Variants in GOLPH3L observed in about 807,000 individuals in gnomAD.
GOLPH3L encodes golgi phosphoprotein 3 like.
In GOLPH3L, 22 loss-of-function variants were observed where a neutral mutation model predicts 30.3. That is an observed-to-expected ratio of 0.73 (90% CI 0.52 to 1.04). The LOEUF is 1.04. Ranked by LOEUF, GOLPH3L falls within the 50% of genes least tolerant of loss-of-function variation. GOLPH3L has a pLI of 0.00. For missense variants in GOLPH3L, 303 were observed against 345.8 expected (o/e 0.88, Z 0.98); for synonymous variants, 120 against 128.2 (o/e 0.94, Z 0.43).
At chr1:150,693,840 TATATA>T (rs1651272932) in intron 2 of GOLPH3L, among the ~76,000 whole-genome samples, 1 of 79,186 alleles carries the variant, frequency 1.3e-5, no homozygotes, top group African/African-American at 5.0e-5. Context: ...TATATATATA[TATATA>T]TATTTTTTTT....
rs200411858 is a variant in GOLPH3L, at chr1:150,694,693, A to G, written c.146T>C (p.Met49Thr). Residue 49 changes from methionine to threonine, a missense_variant, in exon 2 of 5, where the codon ATG (methionine) becomes ACG (threonine). By Grantham distance (81) the Met-to-Thr change is moderately conservative. Coordinates refer to ENST00000271732, the MANE Select transcript of GOLPH3L (RefSeq NM_018178.6). ...TAGTCCCAGAAGCAATACTTCTTCC[A>G]TAAGAGTAAGGCGGATATCCTTAGA... ...GDSKDIRLTL[M>T]EEVLLLGLKD... The G allele has an allele frequency of 2.4e-4, 389 of 1,608,944 alleles. No homozygotes were observed. The highest frequency in any genetic ancestry group is 2.8e-4 in the Non-Finnish European group (325 of 1,177,958).
chr1:150,695,085 A>G (rs1312160933), intron 1 of GOLPH3L, among the ~76,000 whole-genome samples: 24 of 152,192 alleles, frequency 1.6e-4, no homozygotes, highest in Non-Finnish European at 1.3e-4. Flanking sequence ...GAGTAATTCT[A>G]AAGTCCAGTA....
intron 2 of GOLPH3L, among the ~76,000 whole-genome samples, chr1:150,670,862 AT>A (rs773113313): frequency 2.0e-3 from 310 of 152,342 alleles, no homozygotes; most frequent in Non-Finnish European, 3.0e-3. Flanking sequence ...ACTGCATAGT[AT>A]TGCATTTTAC....
rs150744411 is a variant in GOLPH3L, at chr1:150,674,262, A to AT, written c.184-10500dup. ...AACAGGTAACCTACAGAGTGGGAGAATTTTTTTTTTTTTTTTGAGATGGAG... is the reference window on the plus strand; with the variant it reads ...AACAGGTAACCTACAGAGTGGGAGAATTTTTTTTTTTTTTTTTGAGATGGAG... On this transcript the variant is annotated intron_variant, in intron 2 of 4. Coordinates refer to ENST00000271732, the MANE Select transcript of GOLPH3L (RefSeq NM_018178.6). Among the ~76,000 whole-genome samples, 884 of 145,538 alleles carry AT rather than the reference A, an allele frequency of 6.1e-3. 13 individuals are homozygous for AT. The highest frequency in any genetic ancestry group is 0.019 in the African/African-American group (754 of 39,492).
chr1:150,671,804 C>T (rs1650651329), intron 2 of GOLPH3L, among the ~76,000 whole-genome samples: 1 of 62,014 alleles, frequency 1.6e-5, no homozygotes, highest in Non-Finnish European at 3.4e-5. Context: ...AAAACTCCGT[C>T]TCAAAAAAAA....
intron 2 of GOLPH3L, among the ~76,000 whole-genome samples, chr1:150,687,414 C>G (rs1223201583): frequency 6.6e-6 from 1 of 151,726 alleles, no homozygotes; most frequent in Non-Finnish European, 1.5e-5. Context: ...CCCGTTTCTA[C>G]TAAAAATACA....
intron 2 of GOLPH3L, among the ~76,000 whole-genome samples, chr1:150,685,727 TAAAA>T (rs1420874557): frequency 2.0e-5 from 3 of 151,618 alleles, no homozygotes; most frequent in African/African-American, 7.3e-5. Context: ...AAAATAAAAA[TAAAA>T]ATATAAAAAA....
At chr1:150,680,817 A>G (rs1354627307) in intron 2 of GOLPH3L, among the ~76,000 whole-genome samples, 2 of 152,212 alleles carry the variant, frequency 1.3e-5, no homozygotes, top group Non-Finnish European at 2.9e-5. Flanking sequence ...GTTATTATTT[A>G]TTGAGCATTT....
chr1:150,655,398 C>T (rs1478809146), intron 4 of GOLPH3L, among the ~76,000 whole-genome samples: 2 of 152,094 alleles, frequency 1.3e-5, no homozygotes, highest in African/African-American at 2.4e-5. Context: ...AGATTTATTA[C>T]AACAATGGGG....
intron 2 of GOLPH3L, among the ~76,000 whole-genome samples, chr1:150,675,402 TGTACAACCAA>T (rs1335313766): frequency 6.6e-6 from 1 of 152,072 alleles, no homozygotes; most frequent in African/African-American, 2.4e-5. Context: ...TATGGGTGTA[TGTACAACCAA>T]ACTTTTCTGT....
intron 2 of GOLPH3L, among the ~76,000 whole-genome samples, chr1:150,693,486 A>AG (rs915911618): frequency 8.6e-5 from 13 of 151,854 alleles, no homozygotes; most frequent in African/African-American, 2.4e-4. Context: ...GCGGTGGGCG[A>AG]GGGGGGGCGG....
chr1:150,679,483 C>T (rs1052567888), intron 2 of GOLPH3L, among the ~76,000 whole-genome samples: 7 of 152,056 alleles, frequency 4.6e-5, no homozygotes, highest in Admixed American at 2.0e-4. Flanking sequence ...AGTTAATTAG[C>T]CAAAATTTAA....
Position 150,678,234 on chromosome 1 carries a change from G to A in GOLPH3L, c.184-14471C>T, listed in dbSNP as rs192446935. ...GAATCACTTGAACCCGGGAGGCGGA[G>A]GTTTCAGTGAGCCGAGATCGCCTTG... On this transcript the variant is annotated intron_variant, in intron 2 of 4. Transcript: ENST00000271732. 4.5e-4 allele frequency among the ~76,000 whole-genome samples: 62 copies of A among 138,160 alleles called. No homozygotes were observed. The East Asian group carries it at 0.012, about 28-fold the overall frequency. 90.6% of individuals were successfully genotyped at this position (138,160 alleles called of 152,430 possible).
intron 2 of GOLPH3L, among the ~76,000 whole-genome samples, chr1:150,667,881 A>C (rs1164487294): frequency 6.6e-6 from 1 of 152,118 alleles, no homozygotes; most frequent in East Asian, 1.9e-4. Flanking sequence ...GGAGTGAGCC[A>C]CCACGCCCGG....
intron 2 of GOLPH3L, among the ~76,000 whole-genome samples, chr1:150,664,069 G>A (rs1650437711): frequency 6.6e-6 from 1 of 151,946 alleles, no homozygotes; most frequent in African/African-American, 2.4e-5. Context: ...CATGATCATG[G>A]CTCACTGCAG....
intron 4 of GOLPH3L, among the ~76,000 whole-genome samples, chr1:150,653,307 T>A (rs993123767): frequency 6.2e-4 from 93 of 149,706 alleles, no homozygotes; most frequent in East Asian, 1.9e-3. Context: ...TATTTTTTTT[T>A]TTTTTTGAGA....
At chr1:150,684,029 T>C (rs1474753073) in intron 2 of GOLPH3L, among the ~76,000 whole-genome samples, 2 of 152,112 alleles carry the variant, frequency 1.3e-5, no homozygotes, top group African/African-American at 2.4e-5. Context: ...GAGGGTGTTA[T>C]AGTGGGCCCT....
At chr1:150,676,198 T>C (rs990307358) in intron 2 of GOLPH3L, among the ~76,000 whole-genome samples, 17 of 152,078 alleles carry the variant, frequency 1.1e-4, no homozygotes, top group African/African-American at 4.1e-4. Flanking sequence ...AGTCTCCAAC[T>C]CCTGAGCTCA....
chr1:150,681,347 T>C (rs1650942490), intron 2 of GOLPH3L, among the ~76,000 whole-genome samples: 1 of 151,972 alleles, frequency 6.6e-6, no homozygotes, highest in Admixed American at 6.6e-5. Flanking sequence ...ATAAAAAAAT[T>C]AGAAAATAAA....
Sources: gnomAD v4.1 joint callset for allele counts (sites outside exome capture counted in the v4.1 genomes callset) on GRCh38, gnomAD v4.1.1 for gene constraint, MANE v1.5 for transcripts, NCBI Gene and HGNC (gene_info 2026-07-23, HGNC 2026-07-21) for gene names.